The following RYR3 variants were observed in gnomAD, a reference collection of about 807,000 sequenced individuals.
RYR3 encodes brain ryanodine receptor-calcium release channel.
Under a neutral mutation model 584.3 loss-of-function variants are expected in RYR3, and 207 were observed. The ratio of observed to expected loss-of-function variants is 0.35; its 90% CI spans 0.32 to 0.40. The LOEUF (loss-of-function observed/expected upper bound fraction) is 0.40. RYR3 is among the 10% of genes least tolerant of loss of function. The pLI is 1.00. For synonymous variants in RYR3, 2,416 were observed against 2,248.5 expected (o/e 1.07, Z -2.11); for missense variants, 5,616 against 6,089.2 (o/e 0.92, Z 2.59).
At position 33,334,112 on chromosome 15, in the gene RYR3, C is replaced by T. The variant is rs536665644; in HGVS notation, c.51+23016C>T. Among the ~76,000 whole-genome samples the T allele has an allele frequency of 2.6e-5, 4 of 152,262 alleles. No individual in the cohort carries two copies. The East Asian group carries it at 7.7e-4, about 29-fold the overall frequency. On this transcript the variant is annotated intron_variant, in intron 1 of 103. Coordinates refer to ENST00000634891, the MANE Select transcript of RYR3 (RefSeq NM_001036.6). Reference sequence around the variant, plus strand: ...GTTAAAATGGCCATACTGCCCAAAGCAATTTATAGATTAAATGCTAGCCTC... The same window carrying T: ...GTTAAAATGGCCATACTGCCCAAAGTAATTTATAGATTAAATGCTAGCCTC...
chr15:33,839,091 C>A (rs183469712), intron 89 of RYR3, 133 bp downstream of exon 89: 1 of 1,115,046 alleles, frequency 9.0e-7, no homozygotes, highest in Non-Finnish European at 1.2e-6. Flanking sequence ...GGTGTGATTA[C>A]GCTGATCTTA....
intron 3 of RYR3, among the ~76,000 whole-genome samples, chr15:33,524,993 A>G (rs2054286353): frequency 6.6e-6 from 1 of 152,198 alleles, no homozygotes; most frequent in African/African-American, 2.4e-5. Flanking sequence ...CTTTGAGTAT[A>G]TCTGATGCAT....
At chr15:33,699,653 A>C (rs977867924) in intron 40 of RYR3, 51 bp from the exon 41 acceptor site, 3 of 1,562,054 alleles carry the variant, frequency 1.9e-6, no homozygotes, top group Admixed American at 1.8e-5. Context: ...AGTTTTCAGA[A>C]AGGCCTCATG....
At chr15:33,832,142 A>T (rs2152972495) in intron 86 of RYR3, among the ~76,000 whole-genome samples, 1 of 152,066 alleles carries the variant, frequency 6.6e-6, no homozygotes. Context: ...AAAATACAAA[A>T]AATTAGCCAG....
chr15:33,711,904 A>AC (rs148105849), intron 43 of RYR3, among the ~76,000 whole-genome samples: 2,204 of 152,252 alleles, frequency 0.014, 56 homozygotes, highest in African/African-American at 0.051. Context: ...TTATAGCAAT[A>AC]CCCCAATCTT....
At chr15:33,493,967 A>G (rs1341514057) in intron 2 of RYR3, among the ~76,000 whole-genome samples, 1 of 152,152 alleles carries the variant, frequency 6.6e-6, no homozygotes, top group Non-Finnish European at 1.5e-5. Flanking sequence ...TAATTGATGC[A>G]AGTGTTGTTC....
chr15:33,753,832 G>A (rs1478977075), intron 57 of RYR3, among the ~76,000 whole-genome samples: 1 of 152,148 alleles, frequency 6.6e-6, no homozygotes, highest in African/African-American at 2.4e-5. Context: ...AATCTGTGGT[G>A]TGATTTGCTG....
chr15:33,614,260 A>T (rs2060338812), intron 19 of RYR3, among the ~76,000 whole-genome samples: 1 of 152,180 alleles, frequency 6.6e-6, no homozygotes, highest in Non-Finnish European at 1.5e-5. Flanking sequence ...AATGTGTCTG[A>T]TTATGATGTA....
At chr15:33,765,758 C>G (rs1046888923) in intron 60 of RYR3, among the ~76,000 whole-genome samples, 1 of 151,636 alleles carries the variant, frequency 6.6e-6, no homozygotes, top group Non-Finnish European at 1.5e-5. Context: ...GGAGGATATT[C>G]AACTTTGAGA....
intron 103 of RYR3, chr15:33,864,832 AATCAGCTTATTGCTAAATCT>A (rs2153028408): frequency 3.3e-6 from 1 of 307,096 alleles, no homozygotes; most frequent in South Asian, 7.9e-5. Flanking sequence ...AGCGGCATGG[AATCAGCTTATTGCTAAATCT>A]TTAAGTATGT....
At chr15:33,700,239 G>C (rs2152772034) in intron 41 of RYR3, among the ~76,000 whole-genome samples, 1 of 152,312 alleles carries the variant, frequency 6.6e-6, no homozygotes, top group Non-Finnish European at 1.5e-5. Context: ...TGGCAGGCTG[G>C]CTGCAGGCTG....
intron 1 of RYR3, among the ~76,000 whole-genome samples, chr15:33,441,095 C>T (rs2046194232): frequency 6.6e-6 from 1 of 152,226 alleles, no homozygotes; most frequent in Non-Finnish European, 1.5e-5. Context: ...CAGCCAGCCA[C>T]ATTTTCAGGG....
chr15:33,582,656 G>A (rs1486335595), intron 14 of RYR3, among the ~76,000 whole-genome samples: 1 of 152,136 alleles, frequency 6.6e-6, no homozygotes, highest in Non-Finnish European at 1.5e-5. Flanking sequence ...GTACATAGAT[G>A]CTCATAACCC....
chr15:33,695,599 G>A (rs769051771), intron 38 of RYR3, among the ~76,000 whole-genome samples: 6 of 152,074 alleles, frequency 3.9e-5, no homozygotes, highest in Non-Finnish European at 8.8e-5. Context: ...CAGATGTCCC[G>A]TTGTAAAGCC....
At chr15:33,757,245 T>G (rs1040475339) in intron 59 of RYR3, among the ~76,000 whole-genome samples, 1 of 152,174 alleles carries the variant, frequency 6.6e-6, no homozygotes, top group Admixed American at 6.5e-5. Context: ...ACACATTTCT[T>G]TGGGCCCTTA....
chr15:33,582,416 G>A (rs967829324), intron 14 of RYR3, among the ~76,000 whole-genome samples: 1 of 152,196 alleles, frequency 6.6e-6, no homozygotes, highest in Non-Finnish European at 1.5e-5. Flanking sequence ...CCAGCTTAGG[G>A]TTGAGGCTGA....
intron 74 of RYR3, chr15:33,815,525 C>T: frequency 4.7e-6 from 1 of 214,160 alleles, no homozygotes; most frequent in Non-Finnish European, 9.2e-6. Context: ...CTGGGCTGCA[C>T]CTTCAGTAGT....
intron 81 of RYR3, among the ~76,000 whole-genome samples, 152 bp downstream of exon 81, chr15:33,823,224 C>G (rs1172124699): frequency 6.6e-6 from 1 of 152,180 alleles, no homozygotes; most frequent in Non-Finnish European, 1.5e-5. Flanking sequence ...GGTGTTGTTC[C>G]TCCAGCCTTC....
At chr15:33,805,238 AG>A (rs1397058133) in intron 69 of RYR3, among the ~76,000 whole-genome samples, 2 of 152,168 alleles carry the variant, frequency 1.3e-5, no homozygotes, top group Non-Finnish European at 2.9e-5. Context: ...TCCTTGACCA[AG>A]GTTATAAACA....
Sources: gnomAD v4.1 joint callset for allele counts (sites outside exome capture counted in the v4.1 genomes callset) on GRCh38, gnomAD v4.1.1 for gene constraint, MANE v1.5 for transcripts, NCBI Gene and HGNC (gene_info 2026-07-23, HGNC 2026-07-21) for gene names.